Variants in MMRN1 observed in about 807,000 individuals in gnomAD.
The protein encoded by MMRN1 is multimerin 1.
In MMRN1, 94 loss-of-function variants were observed where a neutral mutation model predicts 100.7. The ratio of observed to expected loss-of-function variants is 0.93; its 90% confidence interval spans 0.79 to 1.11. The LOEUF (loss-of-function observed/expected upper bound fraction) is 1.11. MMRN1 is among the 50% of genes least tolerant of loss of function. The pLI is 0.00. For missense variants in MMRN1, 1,606 were observed against 1,439.1 expected, an observed-to-expected ratio of 1.12 and a Z score of -1.88; for synonymous variants, 575 against 505.0, an observed-to-expected ratio of 1.14 and a Z score of -1.86.
intron 1 of MMRN1, among the ~76,000 whole-genome samples, chr4:89,897,976 AG>A (rs1160393988): frequency 1.3e-5 from 2 of 152,134 alleles, no homozygotes; most frequent in African/African-American, 4.8e-5. Flanking sequence ...TCTATAGAAA[AG>A]TACTAACTGC....
chr4:89,879,595 A>C (rs1392526482), exon 1 of MMRN1: 1 of 152,202 alleles, frequency 6.6e-6, no homozygotes, highest in Admixed American at 6.5e-5. Flanking sequence ...CGGGCAAAGA[A>C]TATTAAGGTA....
chr4:89,895,085 T>G lies in MMRN1; in HGVS notation c.114T>G (p.Thr38=). The stretch of plus-strand genomic sequence containing the variant: ...CTGAGGATGGGAACTCTCAGAAGAC[T>G]ATGCCTTCTGCTTCAGTTCCTCCAA... ...TIPEDGNSQK[T]MPSASVPPNK... is the part of the protein sequence containing the mutation. Residue 38 remains threonine (T), a synonymous_variant, in exon 1 of 8, where the codon ACT becomes ACG. Transcript: ENST00000264790. The G allele has an allele frequency of 6.2e-7, 1 of 1,613,908 alleles. No homozygotes were observed. The highest frequency in any genetic ancestry group is 1.7e-4 in the Middle Eastern group (1 of 6,058).
chr4:89,923,108 G>A (rs1189789077), intron 3 of MMRN1, 60 bp from the exon 4 acceptor site: 1 of 1,352,570 alleles, frequency 7.4e-7, no homozygotes, highest in South Asian at 1.2e-5. Flanking sequence ...GTTCAGGACT[G>A]GAAAAAATGA....
At chr4:89,931,666 G>T (rs537773983) in intron 5 of MMRN1, among the ~76,000 whole-genome samples, 1 of 152,148 alleles carries the variant, frequency 6.6e-6, no homozygotes, top group Admixed American at 6.6e-5. Context: ...GCAAAGCCAC[G>T]TCTTACATGG....
intron 1 of MMRN1, among the ~76,000 whole-genome samples, chr4:89,908,219 C>T (rs1362338570): frequency 6.6e-6 from 1 of 151,320 alleles, no homozygotes; most frequent in Admixed American, 6.6e-5. Flanking sequence ...CACATATTTT[C>T]CCTCAAGAAT....
At chr4:89,901,087 A>G (rs1721369545) in intron 1 of MMRN1, among the ~76,000 whole-genome samples, 2 of 151,236 alleles carry the variant, frequency 1.3e-5, no homozygotes, top group Non-Finnish European at 2.9e-5. Flanking sequence ...CTGGCCTGAG[A>G]GAATTGAGGT....
chr4:89,914,048 AT>A (rs1487734918), intron 3 of MMRN1, among the ~76,000 whole-genome samples: 1 of 151,304 alleles, frequency 6.6e-6, no homozygotes, highest in Admixed American at 6.6e-5. Context: ...AGTGCAATTG[AT>A]GCACTGGTTG....
Position 89,935,936 on chromosome 4 carries a change from A to C in MMRN1, c.2256A>C (p.Leu752Phe). Residue 752 changes from leucine (L) to phenylalanine (F), a missense_variant, in exon 6 of 8, where the codon TTA becomes TTC. By Grantham distance (22) the Leu-to-Phe change is conservative. Transcript: ENST00000264790. The part of the protein sequence containing the change: ...IQDNYALKET[L>F]STIKDNSEIH... ...ATAACTATGCCCTAAAAGAGACTTT[A>C]AGTACTATTAAGGATAATAGTGAGA... 1 of 1,609,384 alleles carries C rather than the reference A, an allele frequency of 6.2e-7. No individual in the cohort carries two copies. Among genetic ancestry groups the C allele is most frequent in the Non-Finnish European group, 8.5e-7 (1 of 1,177,374 alleles).
intron 6 of MMRN1, among the ~76,000 whole-genome samples, chr4:89,947,146 G>C (rs1281446095): frequency 1.3e-5 from 2 of 152,162 alleles, no homozygotes; most frequent in Admixed American, 6.5e-5. Flanking sequence ...GCCTGGCATG[G>C]TGGTGCACAC....
At chr4:89,926,604 C>A (rs754301777) in intron 4 of MMRN1, among the ~76,000 whole-genome samples, 4 of 151,994 alleles carry the variant, frequency 2.6e-5, no homozygotes, top group East Asian at 1.9e-4. Flanking sequence ...TTGGTTGTTT[C>A]TTTTGCTGTG....
chr4:89,891,350 A>G (rs1462755819), upstream of MMRN1, among the ~76,000 whole-genome samples: 3 of 152,080 alleles, frequency 2.0e-5, no homozygotes, highest in Non-Finnish European at 2.9e-5. Context: ...ACATAGGAGT[A>G]TGGTCATAGC....
upstream of MMRN1, chr4:89,894,757 C>T (rs138489066): frequency 4.9e-4 from 321 of 658,926 alleles, 1 homozygote; most frequent in African/African-American, 5.3e-3. Flanking sequence ...TTCCATAGAG[C>T]CATCCCACTA....
At chr4:89,940,230 T>A (rs1215548101) in intron 6 of MMRN1, among the ~76,000 whole-genome samples, 1 of 152,164 alleles carries the variant, frequency 6.6e-6, no homozygotes, top group Non-Finnish European at 1.5e-5. Flanking sequence ...GAATCCTGAC[T>A]TAACACAATG....
At chr4:89,895,697 T>C in intron 1 of MMRN1, 103 bp downstream of exon 1, 1 of 1,434,626 alleles carries the variant, frequency 7.0e-7, no homozygotes. Context: ...AAATTCAAGA[T>C]GAAATTGGAT....
Position 89,935,628 on chromosome 4 carries a change from C to T in MMRN1, c.1948C>T (p.Gln650Ter). Reference sequence around the variant, plus strand: ...TTTGACTTATGATATGGAGATCCTTCAACCCTTGCTTGAGCAGGGAGCATC... The same window carrying T: ...TTTGACTTATGATATGGAGATCCTTTAACCCTTGCTTGAGCAGGGAGCATC... ...NDLTYDMEIL[Q>*]PLLEQGASLR... Residue 650 changes from glutamine (Q) to a stop codon, truncating the protein, a stop_gained, in exon 6 of 8, where the codon CAA becomes TAA. Coordinates refer to ENST00000264790, the MANE Select transcript of MMRN1 (RefSeq NM_007351.3). LOFTEE classifies it high-confidence loss of function. 2 of 1,613,520 alleles carry T rather than the reference C, an allele frequency of 1.2e-6. No homozygotes were observed. The highest frequency in any genetic ancestry group is 8.5e-7 in the Non-Finnish European group (1 of 1,179,718).
chr4:89,928,976 T>C (rs1722350878), intron 5 of MMRN1, among the ~76,000 whole-genome samples: 1 of 152,096 alleles, frequency 6.6e-6, no homozygotes, highest in Non-Finnish European at 1.5e-5. Context: ...GATAGTGTTA[T>C]ACACAGGATA....
Position 89,935,384 on chromosome 4 carries a change from C to T in MMRN1, c.1704C>T (p.His568=), listed in dbSNP as rs781201120. Reference sequence around the variant, plus strand: ...TGCTGCAAATGTTTGAAGATTTGCACATTCAAGAAAGCAAGATTAACAATC... The same window carrying T: ...TGCTGCAAATGTTTGAAGATTTGCATATTCAAGAAAGCAAGATTAACAATC... ...LMMLQMFEDL[H]IQESKINNLT... is the part of the protein sequence containing the mutation. Residue 568 remains histidine (H), a synonymous_variant, in exon 6 of 8, where the codon CAC becomes CAT. Coordinates refer to ENST00000264790, the MANE Select transcript of MMRN1 (RefSeq NM_007351.3). The T allele has an allele frequency of 1.2e-6, 2 of 1,613,214 alleles. No individual in the cohort carries two copies. Among genetic ancestry groups the T allele is most frequent in the East Asian group, 2.2e-5 (1 of 44,806 alleles).
chr4:89,948,647 C>T (rs1723065150), intron 6 of MMRN1, among the ~76,000 whole-genome samples: 1 of 152,142 alleles, frequency 6.6e-6, no homozygotes, highest in Admixed American at 6.5e-5. Flanking sequence ...GCTACCATAA[C>T]CTACTATGCT....
chr4:89,909,859 C>T (rs1318318180), intron 2 of MMRN1, among the ~76,000 whole-genome samples: 11 of 151,338 alleles, frequency 7.3e-5, no homozygotes. Flanking sequence ...GGAAAAGCAG[C>T]TAGGTGAAGC....
Sources: gnomAD v4.1 joint callset for allele counts (sites outside exome capture counted in the v4.1 genomes callset) on GRCh38, gnomAD v4.1.1 for gene constraint, MANE v1.5 for transcripts, NCBI Gene and HGNC (gene_info 2026-07-23, HGNC 2026-07-21) for gene names.